Variants in SYAP1 observed in about 807,000 individuals in gnomAD.
The protein encoded by SYAP1 is synapse-associated protein 1.
SYAP1 carries 3 observed loss-of-function variants against 29.6 expected under a neutral mutation model. The observed-to-expected ratio is 0.10, with a 90% CI of 0.05 to 0.26. The LOEUF (loss-of-function observed/expected upper bound fraction) is 0.26. SYAP1 is among the 10% of genes least tolerant of loss of function. The pLI is 1.00. For missense variants in SYAP1, 217 were observed against 264.1 expected (o/e 0.82, Z 1.24); for synonymous variants, 102 against 102.7 (o/e 0.99, Z 0.04).
At chrX:16,734,493 G>C (rs1926279314) in intron 1 of SYAP1, among the ~76,000 whole-genome samples, 1 of 110,669 alleles carries the variant, frequency 9.0e-6, no homozygotes, top group South Asian at 3.8e-4. Context: ...TTTGAGAAAG[G>C]AGGGGCATTT....
chrX:16,720,348 T>A (rs1477465666), intron 1 of SYAP1, among the ~76,000 whole-genome samples: 1 of 112,539 alleles, frequency 8.9e-6, no homozygotes, highest in Non-Finnish European at 1.9e-5. Context: ...AGTTACTGAA[T>A]GTCAATGTCT....
chrX:16,727,421 G>A lies in SYAP1; in HGVS notation c.175+7522G>A, dbSNP rs773173706. On this transcript the variant is annotated intron_variant, in intron 1 of 8. Transcript: ENST00000380155. ...TGCAATGGCATGATCTCGGCTCACT[G>A]CAACCTCCGCCTCCCGGGTTCAAGT... Among the ~76,000 whole-genome samples, 29 of 101,964 alleles carry A rather than the reference G, an allele frequency of 2.8e-4. No homozygotes were observed. The East Asian group carries it at 6.5e-3, about 23-fold the overall frequency. 88.5% of individuals were successfully genotyped at this position (101,964 alleles called of 115,157 possible).
At chrX:16,752,315 C>T (rs1207302840) in intron 5 of SYAP1, among the ~76,000 whole-genome samples, 1 of 107,170 alleles carries the variant, frequency 9.3e-6, no homozygotes, top group Admixed American at 1.0e-4. Context: ...TTGTATTCAA[C>T]CCTCAAGATT....
In SYAP1 at chrX:16,741,260, G is replaced by A. The variant is rs192433404; in HGVS notation, c.362-456G>A. Among the ~76,000 whole-genome samples, 10 of 111,143 alleles carry A rather than the reference G, an allele frequency of 9.0e-5. No individual in the cohort carries two copies. The East Asian group carries it at 2.3e-3, about 25-fold the overall frequency. ...GTCACCCAGGCTGAAATGCAATGGC[G>A]GAATCACAGCTCACTACAGCCTTGA... On this transcript the variant is annotated intron_variant, in intron 3 of 8. Transcript: ENST00000380155.
intron 1 of SYAP1, among the ~76,000 whole-genome samples, chrX:16,732,381 C>CTTTTTT (rs1266261464): frequency 2.1e-5 from 2 of 93,581 alleles, no homozygotes; most frequent in African/African-American, 3.9e-5. Flanking sequence ...AGGTCACTGG[C>CTTTTTT]TTTTTTTTTT....
At chrX:16,758,386 C>T (rs1329565110) in intron 8 of SYAP1, among the ~76,000 whole-genome samples, 5 of 107,497 alleles carry the variant, frequency 4.7e-5, no homozygotes, top group African/African-American at 1.7e-4. Context: ...CTCACCCTGT[C>T]GCCCAGGCTG....
intron 1 of SYAP1, among the ~76,000 whole-genome samples, chrX:16,724,636 C>T (rs1210935891): frequency 8.9e-6 from 1 of 111,949 alleles, no homozygotes; most frequent in Non-Finnish European, 1.9e-5. Context: ...GCTTCCTCTC[C>T]TTCATCCATA....
rs924520703 is a variant in SYAP1, at chrX:16,761,226, A to C, written c.*867A>C. ...ATTCAGTCTCAAAAAAAAAAAAAAA[A>C]AAAAGCTGTGCGAAAATATTTGTTT... On this transcript the variant is annotated 3_prime_UTR_variant, in exon 9 of 9. Transcript: ENST00000380155. 2 of 107,675 alleles carry C rather than the reference A, an allele frequency of 1.9e-5. No homozygotes were observed. The highest frequency in any genetic ancestry group is 3.8e-5 in the Non-Finnish European group (2 of 52,051). The allele number at this position is 107,675 out of a possible 1,213,427, so 8.9% of individuals were successfully genotyped here.
chrX:16,753,389 G>A (rs1457928788), intron 5 of SYAP1, among the ~76,000 whole-genome samples: 1 of 110,471 alleles, frequency 9.1e-6, no homozygotes, highest in Non-Finnish European at 1.9e-5. Context: ...ACTCCGGCCT[G>A]GATGACAGAG....
chrX:16,740,570 A>G (rs1926438009), intron 3 of SYAP1, among the ~76,000 whole-genome samples: 1 of 110,925 alleles, frequency 9.0e-6, no homozygotes, highest in Non-Finnish European at 1.9e-5. Flanking sequence ...TAGTACAGAG[A>G]ACACCCATAT....
chrX:16,735,435 T>A (rs1926309722), intron 2 of SYAP1, 90 bp downstream of exon 2: 1 of 602,246 alleles, frequency 1.7e-6, no homozygotes, highest in East Asian at 3.6e-5. Flanking sequence ...TTTTTTAACC[T>A]AAGTAGAATA....
rs1602339313 is a variant in SYAP1, at chrX:16,760,446, T to G, written c.*87T>G. On this transcript the variant is annotated 3_prime_UTR_variant, in exon 9 of 9. Transcript: ENST00000380155. ...TTGACAATTACTGAATCAGAAGGCA[T>G]GAAAGAGTATAATTTTATGAAATTC... The G allele has an allele frequency of 3.3e-6, 3 of 899,060 alleles. No homozygotes were observed. In the East Asian group the frequency reaches 1.1e-4, roughly 32 times the overall value. The allele number at this position is 899,060 out of a possible 1,213,427, so 74.1% of individuals were successfully genotyped here.
At chrX:16,759,190 T>G (rs1926924120) in intron 8 of SYAP1, among the ~76,000 whole-genome samples, 1 of 88,134 alleles carries the variant, frequency 1.1e-5, no homozygotes, top group Admixed American at 1.3e-4. Context: ...AGACTCCGTC[T>G]CAAAAAAAAA....
chrX:16,736,103 G>A (rs1332640071), intron 2 of SYAP1, 63 bp from the exon 3 acceptor site: 4 of 724,454 alleles, frequency 5.5e-6, no homozygotes, highest in Non-Finnish European at 8.6e-6. Flanking sequence ...TTGAACTAAG[G>A]AAGTCATCAA....
intron 8 of SYAP1, among the ~76,000 whole-genome samples, chrX:16,757,758 C>T (rs867960322): frequency 6.7e-5 from 7 of 104,841 alleles, no homozygotes; most frequent in Non-Finnish European, 9.7e-5. Context: ...AAGTTTTTGG[C>T]CCTGGTGCAG....
chrX:16,737,857 G>A (rs1926365063), intron 3 of SYAP1, among the ~76,000 whole-genome samples: 1 of 112,232 alleles, frequency 8.9e-6, no homozygotes, highest in African/African-American at 3.2e-5. Flanking sequence ...TTTGCTCAGT[G>A]TGGCTCTGAA....
intron 1 of SYAP1, among the ~76,000 whole-genome samples, chrX:16,735,019 A>AAAC (rs1926298609): frequency 1.1e-5 from 1 of 86,996 alleles, no homozygotes; most frequent in Non-Finnish European, 2.3e-5. Context: ...AAAAAAAAAA[A>AAAC]AAACAAAAAA....
At chrX:16,745,873 C>T (rs1391387708) in intron 5 of SYAP1, among the ~76,000 whole-genome samples, 1 of 110,934 alleles carries the variant, frequency 9.0e-6, no homozygotes, top group Admixed American at 9.7e-5. Context: ...TATGTAATTC[C>T]TTTTCTGTTA....
At chrX:16,730,382 T>C (rs751708289) in intron 1 of SYAP1, among the ~76,000 whole-genome samples, 22 of 112,724 alleles carry the variant, frequency 2.0e-4, no homozygotes, top group African/African-American at 7.1e-4. Flanking sequence ...CAAACAAAAA[T>C]CTGTTTCTTC....
Sources: gnomAD v4.1 joint callset for allele counts (sites outside exome capture counted in the v4.1 genomes callset) on GRCh38, gnomAD v4.1.1 for gene constraint, MANE v1.5 for transcripts, NCBI Gene and HGNC (gene_info 2026-07-23, HGNC 2026-07-21) for gene names.